UFD1: variants seen among roughly 807,000 people sequenced by gnomAD.
UFD1 encodes the protein ubiquitin recognition factor in ER-associated degradation protein 1.
In UFD1, 13 loss-of-function variants were observed where a neutral mutation model predicts 45.9. The observed-to-expected ratio is 0.28, with a 90% CI of 0.18 to 0.45. The LOEUF is 0.45. Ranked by LOEUF, UFD1 falls within the 20% of genes least tolerant of loss-of-function variation. The pLI is 1.00. For missense variants in UFD1, 218 were observed against 389.2 expected, an observed-to-expected ratio of 0.56 and a Z score of 3.70; for synonymous variants, 128 against 139.2, an observed-to-expected ratio of 0.92 and a Z score of 0.56.
At chr22:19,464,989 T>C (rs2089791626) in intron 6 of UFD1, among the ~76,000 whole-genome samples, 1 of 152,224 alleles carries the variant, frequency 6.6e-6, no homozygotes, top group African/African-American at 2.4e-5. Flanking sequence ...TCTATCAATG[T>C]TCCCCTGTAA....
chr22:19,455,860 G>A lies in UFD1; in HGVS notation c.679-92C>T, dbSNP rs2089719074. 2.0e-5 allele frequency: 25 copies of A among 1,235,958 alleles called. No individual in the cohort carries two copies. In the South Asian group the frequency reaches 3.2e-4, roughly 16 times the overall value. 76.6% of individuals were successfully genotyped at this position (1,235,958 alleles called of 1,614,324 possible). A position where few individuals can be genotyped will look rare whatever the true frequency, so the allele number is the denominator to read the frequency against. ...GATCACTGCAGGGATGTGAGCTGGG[G>A]GTGCTGTGCAGACCCCTTCAGGACT... On this transcript the variant is annotated intron_variant, in intron 9 of 11. Transcript: ENST00000263202.
intron 11 of UFD1, chr22:19,454,123 G>C (rs1395761983): frequency 1.0e-6 from 1 of 985,660 alleles, no homozygotes; most frequent in Non-Finnish European, 1.2e-6. Flanking sequence ...AGCCCACCCA[G>C]GGCACACAGT....
chr22:19,453,700 C>T, intron 11 of UFD1: 1 of 985,462 alleles, frequency 1.0e-6, no homozygotes. Context: ...GAACATTGAG[C>T]CCAGAAGTGG....
chr22:19,456,558 C>T, intron 9 of UFD1, 29 bp downstream of exon 9: 1 of 1,614,128 alleles, frequency 6.2e-7, no homozygotes. Context: ...GAGGGCACAG[C>T]AATATAAGTC....
chr22:19,454,723 A>G, intron 11 of UFD1, 26 bp downstream of exon 11: 1 of 1,613,516 alleles, frequency 6.2e-7, no homozygotes, highest in South Asian at 1.1e-5. Context: ...ATTACCAACC[A>G]AGGAAATACA....
At chr22:19,479,034 A>G in intron 1 of UFD1, 49 bp downstream of exon 1, 1 of 1,546,756 alleles carries the variant, frequency 6.5e-7, no homozygotes, top group Middle Eastern at 1.8e-4. Context: ...GCCCTACCTC[A>G]GGCCCCGGGC....
chr22:19,451,036 A>G, intron 11 of UFD1: 1 of 1,057,280 alleles, frequency 9.5e-7, no homozygotes. Flanking sequence ...AGACGGGAGG[A>G]TGGTTTGAGC....
intron 6 of UFD1, among the ~76,000 whole-genome samples, chr22:19,464,717 G>A (rs1473605258): frequency 2.0e-5 from 3 of 152,228 alleles, no homozygotes; most frequent in Admixed American, 6.5e-5. Context: ...GCTCCCAGGA[G>A]GAGAGGTGAG....
intron 1 of UFD1, among the ~76,000 whole-genome samples, chr22:19,477,155 G>A (rs113164754): frequency 1.3e-4 from 20 of 152,112 alleles, no homozygotes; most frequent in African/African-American, 4.1e-4. Context: ...GGTTGACCTC[G>A]GGTAACTGAA....
chr22:19,467,225 A>G (rs986181487), intron 5 of UFD1: 1 of 150,778 alleles, frequency 6.6e-6, no homozygotes, highest in Admixed American at 6.6e-5. Flanking sequence ...TGGAGTGGCC[A>G]CTCTTATGCC....
intron 9 of UFD1, chr22:19,456,360 T>G: frequency 1.7e-6 from 1 of 605,756 alleles, no homozygotes; most frequent in East Asian, 2.8e-5. Flanking sequence ...GGTTAGAAAT[T>G]CTTAAAAATC....
intron 1 of UFD1, chr22:19,478,636 G>C: frequency 4.2e-6 from 1 of 235,596 alleles, no homozygotes; most frequent in Non-Finnish European, 8.2e-6. Context: ...GCACGAACCC[G>C]TAGGCACGGA....
intron 9 of UFD1, 99 bp downstream of exon 9, chr22:19,456,488 C>CT: frequency 4.6e-6 from 7 of 1,528,552 alleles, no homozygotes; most frequent in Non-Finnish European, 6.3e-6. Flanking sequence ...CTAACCCCTG[C>CT]TGATGTCCAT....
At chr22:19,458,374 T>C (rs894979120) in intron 6 of UFD1, among the ~76,000 whole-genome samples, 17 of 152,234 alleles carry the variant, frequency 1.1e-4, no homozygotes, top group African/African-American at 3.6e-4. Context: ...ACAAGGTAGT[T>C]ATACAGCTAA....
At position 19,479,109 on chromosome 22, in the gene UFD1, C is replaced by G. The variant is rs753817141; in HGVS notation, c.-24G>C. On this transcript the variant is annotated 5_prime_UTR_variant, in exon 1 of 12. Transcript: ENST00000263202. Reference sequence around the variant, plus strand: ...ATGATGGACACCACCTGGCAGACTCCGCTCCTCTCAGGCAATGCAACGAAG... The same window carrying G: ...ATGATGGACACCACCTGGCAGACTCGGCTCCTCTCAGGCAATGCAACGAAG... 3 of 1,610,964 alleles carry G rather than the reference C, an allele frequency of 1.9e-6. No homozygotes were observed. The highest frequency in any genetic ancestry group is 1.6e-4 in the Middle Eastern group (1 of 6,080).
At chr22:19,450,998 C>T in intron 11 of UFD1, 1 of 1,115,694 alleles carries the variant, frequency 9.0e-7, no homozygotes, top group Non-Finnish European at 1.1e-6. Flanking sequence ...GTGGTATGTG[C>T]CTATGATCCC....
At chr22:19,455,895 A>T in intron 9 of UFD1, 127 bp from the exon 10 acceptor site, 2 of 756,540 alleles carry the variant, frequency 2.6e-6, no homozygotes, top group Non-Finnish European at 4.3e-6. Context: ...TGAAGCCCTG[A>T]CTCCTCAACT....
At chr22:19,472,710 G>C (rs1328992988) in intron 3 of UFD1, among the ~76,000 whole-genome samples, 1 of 152,196 alleles carries the variant, frequency 6.6e-6, no homozygotes, top group East Asian at 1.9e-4. Context: ...TCCCAGAACA[G>C]TCAGGTAGGT....
intron 5 of UFD1, 118 bp downstream of exon 5, chr22:19,467,755 T>G (rs2089813759): frequency 6.7e-7 from 1 of 1,498,406 alleles, no homozygotes. Context: ...AATCACAACT[T>G]GAATCACAAA....
Sources: gnomAD v4.1 joint callset for allele counts (sites outside exome capture counted in the v4.1 genomes callset) on GRCh38, gnomAD v4.1.1 for gene constraint, MANE v1.5 for transcripts, NCBI Gene and HGNC (gene_info 2026-07-23, HGNC 2026-07-21) for gene names.